Variants in KDM4A observed in about 807,000 individuals in gnomAD.
KDM4A encodes the protein lysine demethylase 4A.
Under a neutral mutation model 127.1 loss-of-function variants are expected in KDM4A, and 23 were observed. That is an observed-to-expected ratio of 0.18 (90% CI 0.13 to 0.26). The LOEUF (loss-of-function observed/expected upper bound fraction) is 0.26, where lower values mean the gene tolerates loss of function less well. Ranked by LOEUF, KDM4A falls within the 10% of genes least tolerant of loss-of-function variation. The probability of loss-of-function intolerance (pLI) is 1.00; values close to 1 mark genes in which losing one functional copy is unlikely to be tolerated. For missense variants in KDM4A, 890 were observed against 1,329.1 expected, an observed-to-expected ratio of 0.67 and a Z score of 5.14; for synonymous variants, 443 against 466.5, an observed-to-expected ratio of 0.95 and a Z score of 0.65.
At chr1:43,664,905 G>T (rs899781495) in intron 5 of KDM4A, among the ~76,000 whole-genome samples, 1 of 152,064 alleles carries the variant, frequency 6.6e-6, no homozygotes, top group African/African-American at 2.4e-5. Context: ...AGTCCTTTAG[G>T]TGACATTTTT....
chr1:43,659,372 G>A (rs1474396322), intron 3 of KDM4A, among the ~76,000 whole-genome samples: 2 of 152,066 alleles, frequency 1.3e-5, no homozygotes, highest in Non-Finnish European at 1.5e-5. Context: ...GTGCAGTGGC[G>A]TTAGTTAGCT....
chr1:43,666,313 A>T, intron 6 of KDM4A, 139 bp from the exon 7 acceptor site: 1 of 660,600 alleles, frequency 1.5e-6, no homozygotes. Context: ...ATTGGTGCGG[A>T]GCTATAAGGA....
At chr1:43,666,721 C>T (rs1024205911) in intron 7 of KDM4A, among the ~76,000 whole-genome samples, 166 bp downstream of exon 7, 3 of 152,190 alleles carry the variant, frequency 2.0e-5, no homozygotes, top group Non-Finnish European at 2.9e-5. Context: ...CTGTAGCTTC[C>T]TGGTGCCAGA....
At chr1:43,699,590 A>G in intron 19 of KDM4A, among the ~76,000 whole-genome samples, 1 of 152,200 alleles carries the variant, frequency 6.6e-6, no homozygotes, top group Non-Finnish European at 1.5e-5. Context: ...GTTACATCTA[A>G]ACGTATTTAT....
chr1:43,683,889 G>C (rs1394434769), intron 12 of KDM4A, 85 bp downstream of exon 12: 2 of 1,514,730 alleles, frequency 1.3e-6, no homozygotes, highest in South Asian at 2.5e-5. Flanking sequence ...GCCAAGCTGA[G>C]GGATAAGGGT....
In KDM4A at chr1:43,694,386, C is replaced by T. The variant is rs941932890; in HGVS notation, c.2484+284C>T. On this transcript the variant is annotated intron_variant, in intron 17 of 21. Coordinates refer to ENST00000372396, the MANE Select transcript of KDM4A (RefSeq NM_014663.3). The surrounding 1 kb of genome is among the most constrained non-coding windows in gnomAD (Gnocchi z 5.2). ...ATAAAATTAGCTGGGAGTGGTGGTG[C>T]GCACCTATAATCCCAGCTCCTCGGG... Among the ~76,000 whole-genome samples, 2 of 151,934 alleles carry T rather than the reference C, an allele frequency of 1.3e-5. No individual in the cohort carries two copies. The highest frequency in any genetic ancestry group is 4.8e-5 in the African/African-American group (2 of 41,334).
In KDM4A at chr1:43,667,762, C is replaced by G. The variant is rs771858231; in HGVS notation, c.916-10C>G. On this transcript the variant is annotated splice_polypyrimidine_tract_variant and intron_variant, in intron 8 of 21. Transcript: ENST00000372396. ...TGCTCACCTGGTGCTCTTCTGGTTC[C>G]TGCTGACAGTGCTCCTGTAGAAAGG... 1 of 1,614,122 alleles carries G rather than the reference C, an allele frequency of 6.2e-7. No homozygotes were observed. Among genetic ancestry groups the G allele is most frequent in the South Asian group, 1.1e-5 (1 of 91,052 alleles).
chr1:43,672,153 A>G (rs1357139928), intron 11 of KDM4A, among the ~76,000 whole-genome samples: 2 of 151,500 alleles, frequency 1.3e-5, no homozygotes, highest in African/African-American at 4.9e-5. Flanking sequence ...CCTGAGTCAC[A>G]GCAGCAGATC....
intron 21 of KDM4A, 48 bp from the exon 22 acceptor site, chr1:43,704,182 G>C (rs201384030): frequency 8.7e-6 from 14 of 1,613,868 alleles, no homozygotes; most frequent in Non-Finnish European, 1.0e-5. Flanking sequence ...GCATCCCTTT[G>C]TATTGTTCCT....
chr1:43,669,111 A>G lies in KDM4A; in HGVS notation c.1175A>G (p.His392Arg). 2.5e-6 allele frequency: 4 copies of G among 1,614,198 alleles called. No individual in the cohort carries two copies. Among genetic ancestry groups the G allele is most frequent in the Non-Finnish European group, 3.4e-6 (4 of 1,180,038 alleles). Reference sequence around the variant, plus strand: ...CCTCTCCCTTGCAGCCTGGCCAAGCACCGAATAGGGACAAAGAGGCACCGA... The same window carrying G: ...CCTCTCCCTTGCAGCCTGGCCAAGCGCCGAATAGGGACAAAGAGGCACCGA... ...EGDLKTSLAK[H>R]RIGTKRHRVC... is the part of the protein sequence containing the mutation. The change falls in exon 10 of 22, where the codon CAC becomes CGC. Residue 392 changes from histidine (H) to arginine (R), a missense_variant. His to Arg is a conservative substitution (Grantham distance 29). Transcript: ENST00000372396.
chr1:43,671,465 G>C (rs1660615740), intron 10 of KDM4A, 40 bp from the exon 11 acceptor site: 1 of 1,500,446 alleles, frequency 6.7e-7, no homozygotes, highest in African/African-American at 1.4e-5. Flanking sequence ...CACATGTGCA[G>C]GAGGAACTTG....
chr1:43,693,573 C>T lies in KDM4A; in HGVS notation c.2376-421C>T, dbSNP rs546806745. Among the ~76,000 whole-genome samples the T allele has an allele frequency of 3.5e-4, 54 of 152,170 alleles. No individual in the cohort carries two copies. The highest frequency in any genetic ancestry group is 4.6e-4 in the Non-Finnish European group (31 of 68,016). ...CTGGGGGAGAGGTTTGGGCAGAGGC[C>T]GAGAGAGAGCTGTGATTACTGGCAG... On this transcript the variant is annotated intron_variant, in intron 16 of 21. Transcript: ENST00000372396. The surrounding 1 kb of genome is among the most constrained non-coding windows in gnomAD (Gnocchi z 4.2).
chr1:43,657,028 C>G (rs1258388158), intron 3 of KDM4A, among the ~76,000 whole-genome samples: 1 of 152,066 alleles, frequency 6.6e-6, no homozygotes, highest in Non-Finnish European at 1.5e-5. Context: ...CTCAGCCTCC[C>G]AAGTAACTGG....
Position 43,663,075 on chromosome 1 carries a change from A to G in KDM4A, c.611A>G (p.Glu204Gly). The change falls in exon 5 of 22, where the codon GAA becomes GGA. Residue 204 changes from glutamate to glycine, a missense_variant. Physicochemically the swap from Glu to Gly is moderately conservative, Grantham distance 98. This residue lies in a region of KDM4A where 141 missense variants were observed against 273.5 expected (regional missense o/e 0.52). Coordinates refer to ENST00000372396, the MANE Select transcript of KDM4A (RefSeq NM_014663.3). The part of the protein sequence containing the change: ...LYSINYLHFG[E>G]PKSWYSVPPE... ...AGCATCAACTACCTGCACTTTGGAG[A>G]ACCAAAGTCCTGGTACAGTCTGCCT... 1 of 1,613,342 alleles carries G rather than the reference A, an allele frequency of 6.2e-7. No individual in the cohort carries two copies.
intron 19 of KDM4A, chr1:43,702,454 C>T (rs569484957): frequency 1.3e-5 from 2 of 152,292 alleles, no homozygotes; most frequent in South Asian, 4.1e-4. Context: ...TGAACTGTAG[C>T]ATGATTGTAA....
chr1:43,673,027 T>C (rs1339445658), intron 11 of KDM4A, among the ~76,000 whole-genome samples: 2 of 152,164 alleles, frequency 1.3e-5, no homozygotes, highest in Non-Finnish European at 2.9e-5. Flanking sequence ...TTCCCAAAGC[T>C]ATAAACACGA....
rs1226794500 is a variant in KDM4A at position 43,665,712 on chromosome 1, G to A, written c.640G>A (p.Glu214Lys). 4 of 1,614,112 alleles carry A rather than the reference G, an allele frequency of 2.5e-6. No individual in the cohort carries two copies. The highest frequency in any genetic ancestry group is 1.3e-5 in the African/African-American group (1 of 75,042). ...TGATTGCAGGTACTCTGTTCCACCT[G>A]AGCATGGAAAGCGGTTGGAACGCCT... ...EPKSWYSVPP[E>K]HGKRLERLAK... Residue 214 changes from glutamate (E) to lysine (K), a missense_variant, in exon 6 of 22, where the codon GAG becomes AAG. Glu to Lys is a moderately conservative substitution (Grantham distance 56). Around this residue, in one of 7 missense-constraint regions of KDM4A, gnomAD observed 141 missense variants for 273.5 expected, o/e 0.52. Coordinates refer to ENST00000372396, the MANE Select transcript of KDM4A (RefSeq NM_014663.3).
chr1:43,703,088 G>A (rs1036031439), intron 19 of KDM4A, among the ~76,000 whole-genome samples: 4 of 151,776 alleles, frequency 2.6e-5, no homozygotes, highest in African/African-American at 9.7e-5. Flanking sequence ...GACTACAGGC[G>A]CCTGCCACCA....
chr1:43,694,946 TC>T lies in KDM4A; in HGVS notation c.2670+53del. Reference sequence around the variant, plus strand: ...CTCTTGACAGTTTTCATGGTCATTTTCTCTGCATGTTTTCCATTTGTTGTAT... The same window carrying T: ...CTCTTGACAGTTTTCATGGTCATTTTTCTGCATGTTTTCCATTTGTTGTAT... On this transcript the variant is annotated intron_variant, in intron 18 of 21. Transcript: ENST00000372396. The surrounding 1 kb of genome is among the most constrained non-coding windows in gnomAD (Gnocchi z 5.2). The T allele has an allele frequency of 6.7e-7, 1 of 1,496,072 alleles. No homozygotes were observed. The highest frequency in any genetic ancestry group is 2.3e-5 in the East Asian group (1 of 43,124). The allele number at this position is 1,496,072 out of a possible 1,614,324, so 92.7% of individuals were successfully genotyped here. A position where few individuals can be genotyped will look rare whatever the true frequency, so the allele number is the denominator to read the frequency against.
Sources: gnomAD v4.1 joint callset for allele counts (sites outside exome capture counted in the v4.1 genomes callset) on GRCh38, gnomAD v4.1.1 for gene constraint, gnomAD v4.1.1 regional missense constraint, Gnocchi (gnomAD v3.1) non-coding constraint, MANE v1.5 for transcripts, NCBI Gene and HGNC (gene_info 2026-07-23, HGNC 2026-07-21) for gene names.